MOB1B: variants seen among roughly 807,000 people sequenced by gnomAD.
MOB1B encodes the protein MOB1 Mps One Binder homolog B.
In MOB1B, 19 loss-of-function variants were observed where a neutral mutation model predicts 24.4. The ratio of observed to expected loss-of-function variants is 0.78; its 90% CI spans 0.54 to 1.14. The LOEUF is 1.14. MOB1B is among the 50% of genes most tolerant of loss of function. The probability of loss-of-function intolerance (pLI) is 0.00; values close to 1 mark genes in which losing one functional copy is unlikely to be tolerated. For synonymous variants in MOB1B, 76 were observed against 82.1 expected (o/e 0.93, Z 0.40); for missense variants, 243 against 259.6 (o/e 0.94, Z 0.44).
At position 70,987,326 on chromosome 4, in the gene MOB1B, T is replaced by G. The variant is rs1739413546; in HGVS notation, c.*5269T>G. 1 of 152,056 alleles carries G rather than the reference T, an allele frequency of 6.6e-6. No homozygotes were observed. The highest frequency in any genetic ancestry group is 1.9e-4 in the East Asian group (1 of 5,200). The allele number at this position is 152,056 out of a possible 1,614,324, so 9.4% of individuals were successfully genotyped here. ...GTTTTTTACTTATAAATTCATGTTC[T>G]CATCTGATTTAATATTAAATTTGTA... is the stretch of plus-strand genomic sequence containing the variant. On this transcript the variant is annotated 3_prime_UTR_variant, in exon 6 of 6. Coordinates refer to ENST00000309395, the MANE Select transcript of MOB1B (RefSeq NM_173468.4).
chr4:70,980,789 C>T (rs1223815043), intron 5 of MOB1B, among the ~76,000 whole-genome samples: 2 of 152,100 alleles, frequency 1.3e-5, no homozygotes, highest in East Asian at 1.9e-4. Context: ...CTTTTGAGGG[C>T]GGGTCCCGTC....
chr4:70,903,888 T>C (rs1735627252), intron 1 of MOB1B, among the ~76,000 whole-genome samples: 1 of 152,014 alleles, frequency 6.6e-6, no homozygotes, highest in African/African-American at 2.4e-5. Flanking sequence ...CTCCTAGAAG[T>C]TGATTCTGAG....
chr4:70,943,868 A>G (rs1242518947), intron 1 of MOB1B, among the ~76,000 whole-genome samples: 1 of 152,210 alleles, frequency 6.6e-6, no homozygotes, highest in Non-Finnish European at 1.5e-5. Flanking sequence ...TTTTCAATCA[A>G]AATAAAAAAA....
chr4:70,910,094 G>A (rs1262703510), intron 1 of MOB1B, among the ~76,000 whole-genome samples: 1 of 151,608 alleles, frequency 6.6e-6, no homozygotes, highest in South Asian at 2.1e-4. Context: ...AGACTGCAGT[G>A]TAGTGGCGCT....
chr4:70,920,928 T>G (rs1736412191), intron 1 of MOB1B, among the ~76,000 whole-genome samples: 1 of 152,164 alleles, frequency 6.6e-6, no homozygotes, highest in African/African-American at 2.4e-5. Flanking sequence ...TAAAGGTAGT[T>G]TAGGAATTCC....
chr4:70,966,704 G>T (rs1423715983), intron 2 of MOB1B, among the ~76,000 whole-genome samples: 4 of 151,874 alleles, frequency 2.6e-5, no homozygotes, highest in Non-Finnish European at 5.9e-5. Context: ...AATTTAAAAA[G>T]TTAACCAGGT....
upstream of MOB1B, chr4:70,902,251 TG>T (rs1169993096): frequency 1.1e-5 from 6 of 556,374 alleles, no homozygotes; most frequent in South Asian, 8.2e-5. Context: ...GCTCGTGAGG[TG>T]GGGGCGGCGG....
chr4:70,938,128 T>C (rs1737159805), intron 1 of MOB1B, among the ~76,000 whole-genome samples: 1 of 152,088 alleles, frequency 6.6e-6, no homozygotes. Context: ...GGTAACTCTT[T>C]TGCTTTCTGC....
chr4:70,971,980 T>G (rs984459860), intron 3 of MOB1B, among the ~76,000 whole-genome samples: 1 of 151,832 alleles, frequency 6.6e-6, no homozygotes, highest in African/African-American at 2.4e-5. Flanking sequence ...CTTCTCTTCT[T>G]GTCTTTCCTC....
chr4:70,941,632 T>C (rs112656744), intron 1 of MOB1B, among the ~76,000 whole-genome samples: 9,193 of 152,246 alleles, frequency 0.06, 608 homozygotes, highest in African/African-American at 0.16. Flanking sequence ...TGAGCTACCG[T>C]GCCCAGTCAA....
At chr4:70,965,046 C>G (rs959153637) in intron 2 of MOB1B, among the ~76,000 whole-genome samples, 3 of 151,420 alleles carry the variant, frequency 2.0e-5, no homozygotes, top group African/African-American at 7.3e-5. Context: ...ACCTATAATC[C>G]CAACACTTTG....
At chr4:70,965,580 G>A (rs1271173908) in intron 2 of MOB1B, among the ~76,000 whole-genome samples, 1 of 150,666 alleles carries the variant, frequency 6.6e-6, no homozygotes, top group African/African-American at 2.4e-5. Flanking sequence ...GGTGGATCAC[G>A]AGGTCAGGAG....
intron 1 of MOB1B, among the ~76,000 whole-genome samples, chr4:70,952,673 A>G (rs1737860364): frequency 1.3e-5 from 2 of 150,402 alleles, no homozygotes; most frequent in African/African-American, 4.9e-5. Context: ...AACAAAAACA[A>G]AAAAAAAACT....
At chr4:70,962,507 C>G (rs1416054549) in intron 2 of MOB1B, among the ~76,000 whole-genome samples, 1 of 151,830 alleles carries the variant, frequency 6.6e-6, no homozygotes, top group Non-Finnish European at 1.5e-5. Flanking sequence ...AAATATAAAT[C>G]TAGACACAGA....
chr4:70,975,945 G>A, intron 4 of MOB1B: 8 of 493,084 alleles, frequency 1.6e-5, no homozygotes, highest in Non-Finnish European at 2.1e-5. Flanking sequence ...TATTGCCCAG[G>A]CTGGAGTGCA....
chr4:70,930,318 G>A (rs939123191), intron 1 of MOB1B, among the ~76,000 whole-genome samples: 4 of 152,002 alleles, frequency 2.6e-5, no homozygotes, highest in African/African-American at 7.2e-5. Context: ...ACTAAATTCT[G>A]GGGGTAGATT....
chr4:70,917,507 A>C (rs1736240967), intron 1 of MOB1B, among the ~76,000 whole-genome samples: 1 of 152,134 alleles, frequency 6.6e-6, no homozygotes, highest in South Asian at 2.1e-4. Context: ...ACAGTTCCAA[A>C]AGTATGGAGA....
At chr4:70,907,471 A>G (rs1280338008) in intron 1 of MOB1B, among the ~76,000 whole-genome samples, 1 of 152,222 alleles carries the variant, frequency 6.6e-6, no homozygotes, top group African/African-American at 2.4e-5. Flanking sequence ...TAATTTCCTA[A>G]TGTAAGGCTA....
chr4:70,902,572 G>C (rs1735555909), intron 1 of MOB1B, 22 bp downstream of exon 1: 2 of 1,548,786 alleles, frequency 1.3e-6, no homozygotes, highest in Non-Finnish European at 1.7e-6. Flanking sequence ...GGCCCCGCAC[G>C]CGCCGGCTTT....
Sources: gnomAD v4.1 joint callset for allele counts (sites outside exome capture counted in the v4.1 genomes callset) on GRCh38, gnomAD v4.1.1 for gene constraint, MANE v1.5 for transcripts, NCBI Gene and HGNC (gene_info 2026-07-23, HGNC 2026-07-21) for gene names.